The following SDK1 variants were observed in gnomAD, a reference collection of about 807,000 sequenced individuals.
SDK1 encodes the protein protein sidekick-1.
A neutral mutation model predicts 245.5 loss-of-function variants in SDK1; 157 were observed. The ratio of observed to expected loss-of-function variants is 0.64; its 90% confidence interval spans 0.56 to 0.73. The LOEUF (loss-of-function observed/expected upper bound fraction) is 0.73. SDK1 is among the 30% of genes least tolerant of loss of function. The pLI is 0.00. For missense variants in SDK1, 3,583 were observed against 3,002.3 expected (o/e 1.19, Z -4.52); for synonymous variants, 1,647 against 1,278.5 (o/e 1.29, Z -6.15).
intron 1 of SDK1, among the ~76,000 whole-genome samples, chr7:3,516,944 GATGTTGATAACCAGATACTTT>G (rs1782774213): frequency 6.6e-6 from 1 of 152,128 alleles, no homozygotes; most frequent in East Asian, 1.9e-4. Context: ...GCTGTTCTCA[GATGTTGATAACCAGATACTTT>G]ATCTTTTTGG....
intron 1 of SDK1, among the ~76,000 whole-genome samples, chr7:3,355,147 A>T (rs1160935337): frequency 6.6e-6 from 1 of 152,216 alleles, no homozygotes; most frequent in East Asian, 1.9e-4. Flanking sequence ...TTTTCCTGTT[A>T]AAGTAATTGA....
At chr7:3,803,678 A>G (rs950547864) in intron 4 of SDK1, among the ~76,000 whole-genome samples, 1 of 149,464 alleles carries the variant, frequency 6.7e-6, no homozygotes, top group African/African-American at 2.5e-5. Flanking sequence ...TATATTCTAG[A>G]TATGTATGCT....
At chr7:3,419,227 G>A (rs1779467516) in intron 1 of SDK1, among the ~76,000 whole-genome samples, 5 of 152,214 alleles carry the variant, frequency 3.3e-5, no homozygotes, top group Admixed American at 1.3e-4. Flanking sequence ...AGCTCACAGA[G>A]CTTAAGGACT....
intron 35 of SDK1, among the ~76,000 whole-genome samples, chr7:4,193,666 C>T (rs1354952087): frequency 1.3e-5 from 2 of 152,098 alleles, no homozygotes; most frequent in African/African-American, 4.8e-5. Flanking sequence ...AGGTCAGCCA[C>T]TCACATGGTA....
intron 5 of SDK1, among the ~76,000 whole-genome samples, chr7:3,923,511 C>T (rs1276391716): frequency 6.6e-6 from 1 of 152,166 alleles, no homozygotes; most frequent in African/African-American, 2.4e-5. Flanking sequence ...TCAATGGAGC[C>T]CGGGACTGGC....
intron 1 of SDK1, among the ~76,000 whole-genome samples, chr7:3,405,886 C>T (rs533577642): frequency 4.2e-4 from 62 of 146,018 alleles, no homozygotes; most frequent in Non-Finnish European, 8.2e-4. Context: ...GTTCTCAGCT[C>T]ACTGCAACCT....
intron 1 of SDK1, among the ~76,000 whole-genome samples, chr7:3,327,934 C>A (rs949105594): frequency 6.6e-6 from 1 of 152,022 alleles, no homozygotes; most frequent in Non-Finnish European, 1.5e-5. Flanking sequence ...GAATTATATG[C>A]GGTGTATTTT....
chr7:3,886,581 A>G (rs932530089), intron 5 of SDK1, among the ~76,000 whole-genome samples: 5 of 152,282 alleles, frequency 3.3e-5, no homozygotes, highest in South Asian at 2.1e-4. Context: ...GTTTCTGCCT[A>G]TATTTGGGTT....
chr7:3,896,067 T>C (rs1256100463), intron 5 of SDK1, among the ~76,000 whole-genome samples: 1 of 152,220 alleles, frequency 6.6e-6, no homozygotes, highest in Non-Finnish European at 1.5e-5. Flanking sequence ...GGGTGGAGTG[T>C]TCTGTAAATA....
intron 1 of SDK1, among the ~76,000 whole-genome samples, chr7:3,417,763 T>C (rs1779414706): frequency 6.6e-6 from 1 of 152,146 alleles, no homozygotes; most frequent in Non-Finnish European, 1.5e-5. Context: ...GGGAGATTTG[T>C]TGAGTGAATA....
chr7:3,325,728 G>T (rs1009185187), intron 1 of SDK1, among the ~76,000 whole-genome samples: 5 of 152,082 alleles, frequency 3.3e-5, no homozygotes, highest in African/African-American at 1.2e-4. Flanking sequence ...CAGAAAAATT[G>T]CTGGATAATG....
At chr7:3,837,014 C>T (rs748098284) in intron 5 of SDK1, among the ~76,000 whole-genome samples, 1 of 152,046 alleles carries the variant, frequency 6.6e-6, no homozygotes, top group African/African-American at 2.4e-5. Context: ...GTGTCTCTTC[C>T]GCTTCTTATA....
chr7:3,706,061 T>C (rs971352193), intron 4 of SDK1, among the ~76,000 whole-genome samples: 2 of 152,252 alleles, frequency 1.3e-5, no homozygotes, highest in Admixed American at 6.5e-5. Flanking sequence ...TTATGTGATA[T>C]ATCACATTTA....
intron 1 of SDK1, among the ~76,000 whole-genome samples, chr7:3,597,385 T>C (rs2128637540): frequency 6.6e-6 from 1 of 151,786 alleles, no homozygotes; most frequent in Non-Finnish European, 1.5e-5. Context: ...CATTTTCACA[T>C]CACTCTTTCA....
chr7:3,550,152 A>G (rs1442469869), intron 1 of SDK1, among the ~76,000 whole-genome samples: 1 of 152,170 alleles, frequency 6.6e-6, no homozygotes, highest in Non-Finnish European at 1.5e-5. Context: ...CTATCTCAAT[A>G]TATGCATATC....
At chr7:3,426,056 A>G (rs1328352335) in intron 1 of SDK1, among the ~76,000 whole-genome samples, 2 of 152,242 alleles carry the variant, frequency 1.3e-5, no homozygotes, top group Non-Finnish European at 2.9e-5. Context: ...TCTCAGATAT[A>G]TGGCGTGTTC....
intron 1 of SDK1, among the ~76,000 whole-genome samples, chr7:3,430,053 TG>T (rs1779792921): frequency 6.6e-6 from 1 of 152,226 alleles, no homozygotes; most frequent in Non-Finnish European, 1.5e-5. Context: ...TTGGGAATGG[TG>T]GAACTCTGCC....
chr7:3,581,201 C>T (rs1010941217), intron 1 of SDK1, among the ~76,000 whole-genome samples: 23 of 151,990 alleles, frequency 1.5e-4, no homozygotes, highest in Admixed American at 1.3e-4. Context: ...AAAATATTGG[C>T]TAACTATGTA....
intron 4 of SDK1, among the ~76,000 whole-genome samples, chr7:3,749,315 T>C (rs996928953): frequency 1.3e-5 from 2 of 152,128 alleles, no homozygotes; most frequent in Non-Finnish European, 2.9e-5. Flanking sequence ...TTTTTTCTTT[T>C]TTGAAATGGA....
Sources: gnomAD v4.1 joint callset for allele counts (sites outside exome capture counted in the v4.1 genomes callset) on GRCh38, gnomAD v4.1.1 for gene constraint, MANE v1.5 for transcripts, NCBI Gene and HGNC (gene_info 2026-07-23, HGNC 2026-07-21) for gene names.